The following C11orf91 variants were observed in gnomAD, a reference collection of about 807,000 sequenced individuals.
The protein encoded by C11orf91 is chromosome 11 open reading frame 91.
A neutral mutation model predicts 14.3 loss-of-function variants in C11orf91; 10 were observed. The observed-to-expected ratio is 0.70, with a 90% CI of 0.43 to 1.18. The LOEUF (loss-of-function observed/expected upper bound fraction) is 1.18. Among genes scored for constraint, C11orf91 ranks in the 50% most tolerant of loss-of-function variants. The probability of loss-of-function intolerance (pLI) is 0.00; values close to 1 mark genes in which losing one functional copy is unlikely to be tolerated. For missense variants in C11orf91, 236 were observed against 269.0 expected (o/e 0.88, Z 0.86); for synonymous variants, 141 against 130.6 (o/e 1.08, Z -0.54).
chr11:33,698,718 A>G (rs913709971), intron 1 of C11orf91, among the ~76,000 whole-genome samples: 1 of 151,124 alleles, frequency 6.6e-6, no homozygotes, highest in African/African-American at 2.4e-5. Context: ...CAACACATCC[A>G]GTTACATGTG....
chr11:33,700,748 A>T lies in C11orf91; in HGVS notation c.-8T>A. On this transcript the variant is annotated 5_prime_UTR_variant, in exon 1 of 2. Coordinates refer to ENST00000379011, the MANE Select transcript of C11orf91 (RefSeq NM_001166692.2). ...GCGCCGCCCCTTTGGCATCGTTTGA[A>T]TGAGGGTCTGCGTGGGAGGAACCCC... 7.4e-7 allele frequency: 1 copy of T among 1,342,458 alleles called. No individual in the cohort carries two copies. The highest frequency in any genetic ancestry group is 1.9e-5 in the South Asian group (1 of 52,184). The allele number at this position is 1,342,458 out of a possible 1,614,324, so 83.2% of individuals were successfully genotyped here.
At chr11:33,700,219 T>A in intron 1 of C11orf91, 26 bp downstream of exon 1, 1 of 1,522,484 alleles carries the variant, frequency 6.6e-7, no homozygotes, top group East Asian at 2.5e-5. Context: ...AAGGCTGGGC[T>A]CGGTGGCCCT....
chr11:33,702,390 G>A (rs1396803546), upstream of C11orf91, among the ~76,000 whole-genome samples: 1 of 152,196 alleles, frequency 6.6e-6, no homozygotes, highest in Admixed American at 6.5e-5. Flanking sequence ...CTGAGGTTGA[G>A]GCTGCAGTGA....
chr11:33,698,908 G>A (rs1233385946), intron 1 of C11orf91, among the ~76,000 whole-genome samples: 1 of 150,926 alleles, frequency 6.6e-6, no homozygotes, highest in African/African-American at 2.4e-5. Flanking sequence ...ATCCTCCCGA[G>A]TAGATGAGAT....
At chr11:33,699,569 G>C (rs530441520) in intron 1 of C11orf91, 158 of 456,308 alleles carry the variant, frequency 3.5e-4, no homozygotes, top group Non-Finnish European at 5.6e-4. Flanking sequence ...CATTCAGCTC[G>C]TAGGCTGAGG....
At chr11:33,700,212 G>C in intron 1 of C11orf91, 33 bp downstream of exon 1, 1 of 1,520,238 alleles carries the variant, frequency 6.6e-7, no homozygotes, top group Non-Finnish European at 8.8e-7. Flanking sequence ...GCAGGCTAAG[G>C]CTGGGCTCGG....
Position 33,698,552 on chromosome 11 carries a change from T to G in C11orf91, c.497-38A>C, listed in dbSNP as rs1386611381. ...AAAACAAACTTAGCCGTAATAGAGA[T>G]AAGGGCTTTTCCTAACACTTCCAAA... On this transcript the variant is annotated intron_variant, in intron 1 of 1. Transcript: ENST00000379011. The G allele has an allele frequency of 1.9e-5, 27 of 1,413,576 alleles. No homozygotes were observed. The Admixed American group carries it at 5.3e-4, about 28-fold the overall frequency. 87.6% of individuals were successfully genotyped at this position (1,413,576 alleles called of 1,614,324 possible).
In C11orf91 at chr11:33,700,767, G is replaced by A; in HGVS notation, c.-27C>T. On this transcript the variant is annotated 5_prime_UTR_variant, in exon 1 of 2. Coordinates refer to ENST00000379011, the MANE Select transcript of C11orf91 (RefSeq NM_001166692.2). ...GTTTGAATGAGGGTCTGCGTGGGAG[G>A]AACCCCGCGCCGGGAGACGCGCGCT... 1 of 1,277,038 alleles carries A rather than the reference G, an allele frequency of 7.8e-7. No individual in the cohort carries two copies. Among genetic ancestry groups the A allele is most frequent in the Non-Finnish European group, 9.9e-7 (1 of 1,012,952 alleles). The allele number at this position is 1,277,038 out of a possible 1,614,324, so 79.1% of individuals were successfully genotyped here.
chr11:33,699,360 C>T (rs1475367933), intron 1 of C11orf91, among the ~76,000 whole-genome samples: 1 of 152,088 alleles, frequency 6.6e-6, no homozygotes, highest in Non-Finnish European at 1.5e-5. Context: ...CAACTTAAGC[C>T]GTTATATACG....
At chr11:33,702,751 A>T (rs1247938228), upstream of C11orf91, 2 of 382,082 alleles carry the variant, frequency 5.2e-6, no homozygotes, top group East Asian at 1.9e-4. Flanking sequence ...AGAGATTAGA[A>T]GAAAAATTTT....
Position 33,698,413 on chromosome 11 carries a change from TCTGGTAGGCAGCTC to T in C11orf91, c.*2_*15del. 6.7e-7 allele frequency: 1 copy of T among 1,500,768 alleles called. No homozygotes were observed. 93.0% of individuals were successfully genotyped at this position (1,500,768 alleles called of 1,614,324 possible). A position where few individuals can be genotyped will look rare whatever the true frequency, so the allele number is the denominator to read the frequency against. ...CACCTAAGGAGGTGGCTGCCCAAGC[TCTGGTAGGCAGCTC>T]CTCAGGAGAGAGAGGCCGACTTCTT... On this transcript the variant is annotated 3_prime_UTR_variant, in exon 2 of 2. Transcript: ENST00000379011.
upstream of C11orf91, chr11:33,704,533 A>C (rs1342236722): frequency 1.3e-5 from 2 of 152,180 alleles, no homozygotes; most frequent in Non-Finnish European, 2.9e-5. Flanking sequence ...TGAGGACATA[A>C]TGATAAACAC....
upstream of C11orf91, chr11:33,702,689 C>A: frequency 2.9e-6 from 1 of 348,554 alleles, no homozygotes. Context: ...ACTTTGTCTT[C>A]TGTTAATCTG....
At chr11:33,699,757 G>A (rs2133497272) in intron 1 of C11orf91, 1 of 396,614 alleles carries the variant, frequency 2.5e-6, no homozygotes, top group Admixed American at 3.0e-5. Context: ...AACGGCCTTG[G>A]GCCTTGTGGT....
At chr11:33,702,350 G>A (rs968428116), upstream of C11orf91, among the ~76,000 whole-genome samples, 1 of 152,202 alleles carries the variant, frequency 6.6e-6, no homozygotes, top group Non-Finnish European at 1.5e-5. Flanking sequence ...CTCAGGAGCT[G>A]AAGTGGGAGG....
At chr11:33,704,723 G>C (rs1853240564), upstream of C11orf91, 1 of 152,450 alleles carries the variant, frequency 6.6e-6, no homozygotes, top group South Asian at 2.1e-4. Context: ...GCCAGCTCTA[G>C]AGGCCAGGGT....
chr11:33,704,991 A>C (rs1037791711), upstream of C11orf91: 12 of 152,320 alleles, frequency 7.9e-5, no homozygotes, highest in African/African-American at 2.9e-4. Context: ...TAAAAAATGC[A>C]GAGCAGCCTT....
intron 1 of C11orf91, among the ~76,000 whole-genome samples, chr11:33,698,928 G>A (rs1046698526): frequency 2.6e-5 from 4 of 151,672 alleles, no homozygotes; most frequent in East Asian, 1.9e-4. Context: ...TTACAAATGT[G>A]TGCCACCAAG....
Position 33,700,534 on chromosome 11 carries a change from G to A in C11orf91, c.207C>T (p.Leu69=), listed in dbSNP as rs1430649065. ...AAGARSLSQA[L]PAPAPPPPPP... ...GCGGGGGCGGGGGCGCCGGGGCGGGGAGCGCCTGGGACAGGGACCGGGCCC... is the reference window on the plus strand; with the variant it reads ...GCGGGGGCGGGGGCGCCGGGGCGGGAAGCGCCTGGGACAGGGACCGGGCCC... The change falls in exon 1 of 2, where the codon CTC becomes CTT. Residue 69 remains leucine, a synonymous_variant. Transcript: ENST00000379011. 1 of 1,343,046 alleles carries A rather than the reference G, an allele frequency of 7.4e-7. No homozygotes were observed. The highest frequency in any genetic ancestry group is 9.5e-7 in the Non-Finnish European group (1 of 1,052,808). 83.2% of individuals were successfully genotyped at this position (1,343,046 alleles called of 1,614,324 possible). A position where few individuals can be genotyped will look rare whatever the true frequency, so the allele number is the denominator to read the frequency against.
Sources: gnomAD v4.1 joint callset for allele counts (sites outside exome capture counted in the v4.1 genomes callset) on GRCh38, gnomAD v4.1.1 for gene constraint, MANE v1.5 for transcripts, NCBI Gene and HGNC (gene_info 2026-07-23, HGNC 2026-07-21) for gene names.